SDK2: variants seen among roughly 807,000 people sequenced by gnomAD.
The protein encoded by SDK2 is sidekick cell adhesion molecule 2.
Under a neutral mutation model 253.9 loss-of-function variants are expected in SDK2, and 105 were observed. That is an observed-to-expected ratio of 0.41 (90% CI 0.35 to 0.49). The LOEUF (loss-of-function observed/expected upper bound fraction) is 0.49. SDK2 is among the 20% of genes least tolerant of loss of function. The pLI, the probability that SDK2 is intolerant of heterozygous loss-of-function variation, is 0.06. For synonymous variants in SDK2, 1,249 were observed against 1,234.9 expected, an observed-to-expected ratio of 1.01 and a Z score of -0.24; for missense variants, 2,608 against 3,003.0, an observed-to-expected ratio of 0.87 and a Z score of 3.07.
intron 1 of SDK2, among the ~76,000 whole-genome samples, chr17:73,528,027 G>A (rs1245653998): frequency 6.6e-6 from 1 of 152,108 alleles, no homozygotes; most frequent in Non-Finnish European, 1.5e-5. Context: ...CAGTGAGGGC[G>A]AGGTGACCGA....
intron 1 of SDK2, among the ~76,000 whole-genome samples, chr17:73,537,386 G>T (rs2044793279): frequency 6.6e-6 from 1 of 152,036 alleles, no homozygotes; most frequent in Non-Finnish European, 1.5e-5. Flanking sequence ...TCCCCCTTCT[G>T]CCCCGACTCC....
intron 2 of SDK2, among the ~76,000 whole-genome samples, chr17:73,482,589 C>T (rs1324929490): frequency 2.0e-5 from 3 of 152,244 alleles, no homozygotes; most frequent in Non-Finnish European, 4.4e-5. Context: ...CTCTGGCTTG[C>T]GATGGCTGGG....
intron 1 of SDK2, among the ~76,000 whole-genome samples, chr17:73,524,978 A>T (rs903116651): frequency 6.6e-6 from 1 of 152,180 alleles, no homozygotes; most frequent in Non-Finnish European, 1.5e-5. Context: ...AAACCATCAC[A>T]TGCATCCCAT....
intron 1 of SDK2, among the ~76,000 whole-genome samples, chr17:73,606,610 G>A (rs142189848): frequency 6.6e-5 from 10 of 152,216 alleles, no homozygotes; most frequent in African/African-American, 1.4e-4. Context: ...ATCGACAAAC[G>A]TGCTGTGGCT....
chr17:73,458,078 A>C (rs115007093), intron 3 of SDK2, among the ~76,000 whole-genome samples: 1,684 of 152,216 alleles, frequency 0.011, 33 homozygotes, highest in African/African-American at 0.038. Flanking sequence ...TCTTGGGCTC[A>C]AGCAATCCTT....
intron 3 of SDK2, among the ~76,000 whole-genome samples, chr17:73,471,595 C>T (rs780396176): frequency 1.3e-5 from 2 of 152,080 alleles, no homozygotes; most frequent in South Asian, 4.1e-4. Flanking sequence ...GAGACTCCAA[C>T]TCAAAACAAA....
intron 18 of SDK2, among the ~76,000 whole-genome samples, chr17:73,412,110 A>G (rs62072148): frequency 4.2e-5 from 1 of 23,792 alleles, no homozygotes; most frequent in Non-Finnish European, 1.3e-4. Flanking sequence ...ATGTATACGT[A>G]TATATGTATA....
At position 73,431,460 on chromosome 17, in the gene SDK2, G is replaced by A. The variant is rs769499426; in HGVS notation, c.1480+42C>T. 39 of 1,572,136 alleles carry A rather than the reference G, an allele frequency of 2.5e-5. No homozygotes were observed. The highest frequency in any genetic ancestry group is 2.8e-5 in the Non-Finnish European group (32 of 1,156,946). ...TCAGCACCTACAGGGATGTACACACGCACACACAAATGTATAAAGCCCTGT... is the reference window on the plus strand; with the variant it reads ...TCAGCACCTACAGGGATGTACACACACACACACAAATGTATAAAGCCCTGT... On this transcript the variant is annotated intron_variant, in intron 11 of 44. Coordinates refer to ENST00000392650, the MANE Select transcript of SDK2 (RefSeq NM_001144952.2). The surrounding 1 kb of genome is among the most constrained non-coding windows in gnomAD (Gnocchi z 5.6).
In SDK2 at chr17:73,496,972, C is replaced by T. The variant is rs2063846512; in HGVS notation, c.224+10466G>A. Among the ~76,000 whole-genome samples, 1 of 152,232 alleles carries T rather than the reference C, an allele frequency of 6.6e-6. No homozygotes were observed. The highest frequency in any genetic ancestry group is 2.1e-4 in the South Asian group (1 of 4,832). On this transcript the variant is annotated intron_variant, in intron 2 of 44. Transcript: ENST00000392650. The surrounding 1 kb of genome is among the most constrained non-coding windows in gnomAD (Gnocchi z 4.7). ...AATGCAGTGGTGTGATCTTGGCTCA[C>T]TGTAAACTCTGCCTCCCAGGTTCAA...
intron 1 of SDK2, among the ~76,000 whole-genome samples, chr17:73,529,481 G>C (rs552081865): frequency 6.6e-6 from 1 of 152,320 alleles, no homozygotes; most frequent in South Asian, 2.1e-4. Context: ...AGGGCACTGG[G>C]TGGAGTAGCG....
chr17:73,352,525 C>T lies in SDK2; in HGVS notation c.5706G>A (p.Ala1902=), dbSNP rs112644023. 49 of 1,613,960 alleles carry T rather than the reference C, an allele frequency of 3.0e-5. No individual in the cohort carries two copies. The highest frequency in any genetic ancestry group is 1.2e-4 in the African/African-American group (9 of 75,054). The part of the protein sequence containing the change: ...PGVSYDFRVI[A]VNDYGFGTPS... ...GGGTGCCGAAACCATAGTCGTTGACCGCGATGACCCGGAAGTCATAGCTCA... is the reference window on the plus strand; with the variant it reads ...GGGTGCCGAAACCATAGTCGTTGACTGCGATGACCCGGAAGTCATAGCTCA... The change falls in exon 41 of 45, where the codon GCG becomes GCA. Residue 1902 remains alanine, a synonymous_variant. Transcript: ENST00000392650. The surrounding 1 kb of genome is among the most constrained non-coding windows in gnomAD (Gnocchi z 4.1).
chr17:73,396,907 G>A lies in SDK2; in HGVS notation c.3354+1128C>T, dbSNP rs553914716. Among the ~76,000 whole-genome samples, 239 of 152,328 alleles carry A rather than the reference G, an allele frequency of 1.6e-3. 3 individuals are homozygous for A. The highest frequency in any genetic ancestry group is 2.4e-3 in the Non-Finnish European group (164 of 68,026). On this transcript the variant is annotated intron_variant, in intron 24 of 44. Coordinates refer to ENST00000392650, the MANE Select transcript of SDK2 (RefSeq NM_001144952.2). ...CGAGACAGCTCTGCAGCTCTGCTCA[G>A]GCACCAGCCACTCTGGGAAGGGAAC...
At chr17:73,452,597 G>A (rs1320189899) in intron 4 of SDK2, among the ~76,000 whole-genome samples, 1 of 152,132 alleles carries the variant, frequency 6.6e-6, no homozygotes, top group African/African-American at 2.4e-5. Flanking sequence ...GAGGTGTTAG[G>A]AAAGGGATGA....
chr17:73,359,377 T>C (rs891990695), intron 39 of SDK2, among the ~76,000 whole-genome samples: 1 of 151,990 alleles, frequency 6.6e-6, no homozygotes, highest in Middle Eastern at 3.2e-3. Flanking sequence ...GAGGGCACCA[T>C]TTCCTTCCTT....
chr17:73,555,323 A>G (rs1199014743), intron 1 of SDK2, among the ~76,000 whole-genome samples: 4 of 152,166 alleles, frequency 2.6e-5, no homozygotes, highest in Admixed American at 1.3e-4. Flanking sequence ...GGGCAGGGGG[A>G]GCTCATCTCC....
chr17:73,644,115 G>C lies in SDK2; in HGVS notation c.-27C>G, dbSNP rs560179704. On this transcript the variant is annotated 5_prime_UTR_variant, in exon 1 of 45. Transcript: ENST00000392650. The surrounding 1 kb of genome is among the most constrained non-coding windows in gnomAD (Gnocchi z 6.3). ...GTGACCAGCCTGGAGAGGGGTCCTCGGGGTCTCCCTTCCCTCCGCCCTGTT... is the reference window on the plus strand; with the variant it reads ...GTGACCAGCCTGGAGAGGGGTCCTCCGGGTCTCCCTTCCCTCCGCCCTGTT... 2.6e-6 allele frequency: 4 copies of C among 1,540,246 alleles called. No homozygotes were observed. The South Asian group carries it at 3.6e-5, about 14-fold the overall frequency.
intron 18 of SDK2, among the ~76,000 whole-genome samples, chr17:73,405,506 AT>A (rs55859600): frequency 0.063 from 5,348 of 84,444 alleles, 1,388 homozygotes; most frequent in Non-Finnish European, 0.073. Context: ...ATATATATAT[AT>A]ATATATATAT....
At chr17:73,347,928 T>C (rs989797773) in intron 44 of SDK2, among the ~76,000 whole-genome samples, 2 of 152,130 alleles carry the variant, frequency 1.3e-5, no homozygotes, top group African/African-American at 4.8e-5. Context: ...CTACACTGAG[T>C]TCACCAGTGT....
intron 24 of SDK2, 138 bp downstream of exon 24, chr17:73,397,897 A>T: frequency 1.0e-6 from 1 of 968,624 alleles, no homozygotes; most frequent in African/African-American, 1.6e-5. Context: ...TTGGGCTAAG[A>T]TGTTGATTAT....
Sources: allele counts gnomAD v4.1 joint callset (sites outside exome capture counted in the v4.1 genomes callset), GRCh38; gene constraint gnomAD v4.1.1; non-coding constraint Gnocchi (gnomAD v3.1); transcripts MANE v1.5; gene names NCBI Gene and HGNC (gene_info 2026-07-23, HGNC 2026-07-21).